Variants in PCDH15 observed in about 807,000 individuals in gnomAD.
The protein encoded by PCDH15 is protocadherin-15.
A neutral mutation model predicts 178.5 loss-of-function variants in PCDH15; 129 were observed. That is an observed-to-expected ratio of 0.72 (90% CI 0.63 to 0.84). PCDH15 has a LOEUF of 0.84. Ranked by LOEUF, PCDH15 falls within the 40% of genes least tolerant of loss-of-function variation. PCDH15 has a pLI of 0.00. For synonymous variants in PCDH15, 800 were observed against 732.0 expected, an observed-to-expected ratio of 1.09 and a Z score of -1.50; for missense variants, 2,230 against 2,099.9, an observed-to-expected ratio of 1.06 and a Z score of -1.21.
intron 3 of PCDH15, among the ~76,000 whole-genome samples, chr10:54,855,829 C>CT (rs1337386871): frequency 6.6e-6 from 1 of 152,098 alleles, no homozygotes; most frequent in African/African-American, 2.4e-5. Flanking sequence ...GGCTATGTTC[C>CT]TTTTCACACT....
chr10:54,023,158 A>G lies in PCDH15; in HGVS notation c.2260T>C (p.Tyr754His). 7 of 1,613,772 alleles carry G rather than the reference A, an allele frequency of 4.3e-6. No homozygotes were observed. Among genetic ancestry groups the G allele is most frequent in the African/African-American group, 1.3e-5 (1 of 75,040 alleles). ...AGATTATTAAAGTTACCCAAACTGT[A>G]GTGCACTTGACCATTTATTCCAGCA... ...PDAGINGQVHYSLGNFNNLFR... is the reference protein window; with the variant it reads ...PDAGINGQVHHSLGNFNNLFR... The change falls in exon 19 of 38, where the codon TAC becomes CAC. Residue 754 changes from tyrosine to histidine, a missense_variant. Tyr to His is a moderately conservative substitution (Grantham distance 83, BLOSUM62 2). Transcript: ENST00000644397.
At chr10:54,537,336 G>C (rs1307458969) in intron 2 of PCDH15, among the ~76,000 whole-genome samples, 4 of 152,012 alleles carry the variant, frequency 2.6e-5, no homozygotes, top group Non-Finnish European at 5.9e-5. Context: ...CCAGTAATAG[G>C]ATTGTGAGTC....
chr10:54,752,251 C>A (rs1366171447), intron 1 of PCDH15, among the ~76,000 whole-genome samples: 3 of 150,952 alleles, frequency 2.0e-5, no homozygotes, highest in South Asian at 2.1e-4. Context: ...CCGAGGCGGA[C>A]AGATCATGAA....
At chr10:54,462,660 C>T (rs1292522629) in intron 3 of PCDH15, among the ~76,000 whole-genome samples, 11 of 138,394 alleles carry the variant, frequency 7.9e-5, no homozygotes, top group Non-Finnish European at 3.1e-5. Context: ...AATACAGGCA[C>T]GTGTCACCAC....
intron 2 of PCDH15, among the ~76,000 whole-genome samples, chr10:55,028,075 T>C (rs534923306): frequency 2.0e-5 from 3 of 152,052 alleles, no homozygotes; most frequent in Non-Finnish European, 2.9e-5. Flanking sequence ...AACTCATGTA[T>C]TGACCACTTA....
At chr10:55,311,162 C>G (rs1843577322) in intron 1 of PCDH15, among the ~76,000 whole-genome samples, 1 of 152,164 alleles carries the variant, frequency 6.6e-6, no homozygotes, top group Admixed American at 6.5e-5. Flanking sequence ...GAATAAGAAT[C>G]AGTTCTATCA....
At chr10:54,326,839 T>C (rs572471058) in intron 7 of PCDH15, among the ~76,000 whole-genome samples, 2 of 152,330 alleles carry the variant, frequency 1.3e-5, no homozygotes, top group South Asian at 2.1e-4. Context: ...AAATTATTTG[T>C]TCTTAAAACT....
chr10:55,282,447 A>C (rs1034745349), intron 1 of PCDH15, among the ~76,000 whole-genome samples: 1 of 152,188 alleles, frequency 6.6e-6, no homozygotes, highest in Non-Finnish European at 1.5e-5. Context: ...CCTCAAATTT[A>C]AGCACTATTC....
At chr10:54,447,091 G>A (rs1163165426) in intron 3 of PCDH15, among the ~76,000 whole-genome samples, 1 of 151,502 alleles carries the variant, frequency 6.6e-6, no homozygotes, top group Admixed American at 6.6e-5. Context: ...ATCTTGCCCC[G>A]TTCTCGCTTT....
chr10:55,385,714 T>TGCATATATATATACACGTATATAG (rs1837639689), intron 2 of PCDH15, among the ~76,000 whole-genome samples: 54 of 146,218 alleles, frequency 3.7e-4, no homozygotes, highest in African/African-American at 1.3e-3. Context: ...TATATATATA[T>TGCATATATATATACACGTATATAG]ATATGCATAT....
chr10:53,876,686 C>G (rs1177120283), intron 26 of PCDH15, among the ~76,000 whole-genome samples: 1 of 151,434 alleles, frequency 6.6e-6, no homozygotes, highest in Non-Finnish European at 1.5e-5. Context: ...TATGCAAGCT[C>G]AAGTGTTTGA....
intron 2 of PCDH15, among the ~76,000 whole-genome samples, chr10:55,374,940 T>A (rs1199147371): frequency 2.0e-5 from 3 of 152,022 alleles, no homozygotes; most frequent in African/African-American, 7.2e-5. Flanking sequence ...ACATTCTACA[T>A]AAACATTTAC....
chr10:55,013,532 T>G (rs1408125476), intron 2 of PCDH15, among the ~76,000 whole-genome samples: 2 of 147,586 alleles, frequency 1.4e-5, no homozygotes, highest in Non-Finnish European at 3.0e-5. Context: ...TCAGCAATCC[T>G]CCTCCCACTC....
In PCDH15 at chr10:54,261,166, ATGTAGATAAC is replaced by A. The variant is rs555004579; in HGVS notation, c.877-24245_877-24236del. On this transcript the variant is annotated intron_variant, in intron 8 of 37. Coordinates refer to ENST00000644397, the MANE Select transcript of PCDH15 (RefSeq NM_001384140.1). ...CATAAAAATGAAGTTTTAGAAGGAA[ATGTAGATAAC>A]TGTTTGAAAATGTAAAATCAGTGAG... 2.4e-4 allele frequency among the ~76,000 whole-genome samples: 36 copies of A among 152,294 alleles called. 1 individual carries two copies. In the South Asian group the frequency reaches 7.5e-3, roughly 32 times the overall value.
intron 15 of PCDH15, among the ~76,000 whole-genome samples, chr10:54,118,814 G>T (rs2095164266): frequency 6.6e-6 from 1 of 150,790 alleles, no homozygotes; most frequent in Admixed American, 6.6e-5. Context: ...AGAGACTTTG[G>T]TGCGCCTCAG....
At chr10:54,235,968 A>G (rs1345307696) in intron 9 of PCDH15, among the ~76,000 whole-genome samples, 1 of 152,210 alleles carries the variant, frequency 6.6e-6, no homozygotes, top group African/African-American at 2.4e-5. Context: ...AGCATTTCTA[A>G]GAAGGATACA....
chr10:55,567,696 C>T (rs936186029), intron 2 of PCDH15, among the ~76,000 whole-genome samples: 1 of 152,010 alleles, frequency 6.6e-6, no homozygotes, highest in South Asian at 2.1e-4. Context: ...ACATGCTCAA[C>T]ATCACTAATC....
intron 8 of PCDH15, among the ~76,000 whole-genome samples, chr10:54,271,167 T>C (rs1193843826): frequency 6.6e-6 from 1 of 152,146 alleles, no homozygotes; most frequent in Non-Finnish European, 1.5e-5. Flanking sequence ...ATTTAAATTT[T>C]AAAATTGTTT....
At chr10:55,307,229 G>C (rs1285694901) in intron 1 of PCDH15, among the ~76,000 whole-genome samples, 2 of 151,862 alleles carry the variant, frequency 1.3e-5, no homozygotes, top group Non-Finnish European at 2.9e-5. Context: ...TCGGACTGGC[G>C]TGGTAGCTCA....
Sources: allele counts gnomAD v4.1 joint callset (sites outside exome capture counted in the v4.1 genomes callset), GRCh38; gene constraint gnomAD v4.1.1; transcripts MANE v1.5; gene names NCBI Gene and HGNC (gene_info 2026-07-23, HGNC 2026-07-21).